CASP8: variants seen among roughly 807,000 people sequenced by gnomAD.
The protein encoded by CASP8 is caspase-8.
A neutral mutation model predicts 46.3 loss-of-function variants in CASP8; 24 were observed. The observed-to-expected ratio is 0.52, with a 90% confidence interval of 0.38 to 0.73. The LOEUF (loss-of-function observed/expected upper bound fraction) is 0.73, where lower values mean the gene tolerates loss of function less well. CASP8 is among the 30% of genes least tolerant of loss of function. The probability of loss-of-function intolerance (pLI) is 0.00; values close to 1 mark genes in which losing one functional copy is unlikely to be tolerated. For synonymous variants in CASP8, 188 were observed against 200.4 expected (o/e 0.94, Z 0.52); for missense variants, 460 against 559.0 (o/e 0.82, Z 1.79).
chr2:201,262,484 T>C (rs528471306), intron 1 of CASP8, among the ~76,000 whole-genome samples: 22 of 151,844 alleles, frequency 1.4e-4, no homozygotes, highest in African/African-American at 5.3e-4. Flanking sequence ...AGAGATTATA[T>C]AAAATATATG....
Position 201,266,576 on chromosome 2 carries a change from T to A in CASP8, c.90T>A (p.Ile30=), listed in dbSNP as rs1468329326. Residue 30 remains isoleucine, a synonymous_variant, in exon 2 of 9, where the codon ATT becomes ATA. Transcript: ENST00000673742. This position sits in a 1 kb window ranked among gnomAD's most constrained non-coding sequence, Gnocchi z 5.7. ...ASLKFLSLDY[I]PQRKQEPIKD... ...TCAAGTTCCTGAGCCTGGACTACAT[T>A]CCGCAAAGGAAGCAAGAACCCATCA... 1 of 1,614,058 alleles carries A rather than the reference T, an allele frequency of 6.2e-7. No individual in the cohort carries two copies. The highest frequency in any genetic ancestry group is 8.5e-7 in the Non-Finnish European group (1 of 1,180,026).
chr2:201,239,327 C>T (rs1369290565), intron 2 of CASP8, among the ~76,000 whole-genome samples: 1 of 152,110 alleles, frequency 6.6e-6, no homozygotes, highest in Non-Finnish European at 1.5e-5. Context: ...GGGCTCCTCA[C>T]CTCCCAGTAG....
intron 8 of CASP8, 106 bp downstream of exon 8, chr2:201,285,423 G>A: frequency 7.3e-7 from 1 of 1,364,768 alleles, no homozygotes; most frequent in Non-Finnish European, 1.0e-6. Context: ...AGTGCTATGT[G>A]ATTTAGATCA....
chr2:201,268,946 TGTGTGTGTGTGA>T (rs1432671841), intron 2 of CASP8, among the ~76,000 whole-genome samples: 13 of 145,156 alleles, frequency 9.0e-5, no homozygotes, highest in Middle Eastern at 3.4e-3. Context: ...TGTGTGTGTG[TGTGTGTGTGTGA>T]GACAGTGTCT....
chr2:201,260,620 A>G lies in CASP8; in HGVS notation c.-27+7A>G. The G allele has an allele frequency of 1.0e-6, 1 of 959,358 alleles. No individual in the cohort carries two copies. The highest frequency in any genetic ancestry group is 1.2e-6 in the Non-Finnish European group (1 of 806,248). 59.4% of individuals were successfully genotyped at this position (959,358 alleles called of 1,614,324 possible). On this transcript the variant is annotated splice_region_variant and intron_variant, in intron 1 of 8. Coordinates refer to ENST00000673742, the MANE Select transcript of CASP8 (RefSeq NM_001372051.1). ...CTACCATCGTGAGAGTAAGGTAAGG[A>G]TTTGCCTCTTTGTTAAGGTCAGAGG... is the stretch of plus-strand genomic sequence containing the variant.
At chr2:201,246,761 T>G (rs999810937) in intron 2 of CASP8, among the ~76,000 whole-genome samples, 1 of 152,210 alleles carries the variant, frequency 6.6e-6, no homozygotes, top group African/African-American at 2.4e-5. Context: ...GTCTGTTCTG[T>G]CTGCAAAAAT....
intron 2 of CASP8, among the ~76,000 whole-genome samples, chr2:201,270,695 A>G (rs1948183769): frequency 6.6e-6 from 1 of 152,016 alleles, no homozygotes; most frequent in East Asian, 1.9e-4. Context: ...ACACCCGGCT[A>G]ATTTTTAAAT....
At chr2:201,258,309 C>T (rs748514005), upstream of CASP8, 2 of 1,614,100 alleles carry the variant, frequency 1.2e-6, no homozygotes, top group Admixed American at 3.3e-5. Context: ...CCACCCCCTT[C>T]CCTGCTGAGC....
At chr2:201,283,214 C>G (rs1398819934) in intron 7 of CASP8, among the ~76,000 whole-genome samples, 1 of 73,240 alleles carries the variant, frequency 1.4e-5, no homozygotes, top group Middle Eastern at 0.012. Flanking sequence ...GCTGGCCAGG[C>G]GGGGGGCTGA....
At chr2:201,242,573 A>G (rs1436962851) in intron 2 of CASP8, 1 of 152,192 alleles carries the variant, frequency 6.6e-6, no homozygotes. Context: ...AGGTTTCAAC[A>G]TATGAATTTT....
chr2:201,269,040 G>A (rs1024235607), intron 2 of CASP8, among the ~76,000 whole-genome samples: 12 of 151,700 alleles, frequency 7.9e-5, no homozygotes, highest in African/African-American at 2.9e-4. Context: ...CTGGGTTCAA[G>A]CAATCCTCCC....
chr2:201,244,136 A>C (rs1160870648), intron 2 of CASP8, among the ~76,000 whole-genome samples: 1 of 152,230 alleles, frequency 6.6e-6, no homozygotes, highest in Non-Finnish European at 1.5e-5. Context: ...GTCTGCAGTT[A>C]CAATAAATAG....
At chr2:201,262,715 C>G (rs1220429884) in intron 1 of CASP8, among the ~76,000 whole-genome samples, 1 of 152,254 alleles carries the variant, frequency 6.6e-6, no homozygotes, top group East Asian at 1.9e-4. Context: ...TTAAAAAATA[C>G]TAGCTTAACA....
At chr2:201,247,910 C>T (rs1946609275) in intron 2 of CASP8, among the ~76,000 whole-genome samples, 1 of 152,176 alleles carries the variant, frequency 6.6e-6, no homozygotes, top group African/African-American at 2.4e-5. Flanking sequence ...TCCCAAAGTG[C>T]TGGGATTACA....
chr2:201,258,096 T>G, upstream of CASP8: 1 of 978,000 alleles, frequency 1.0e-6, no homozygotes, highest in Non-Finnish European at 1.6e-6. Flanking sequence ...GTGGTGAAGT[T>G]TTCTCTTTCT....
intron 1 of CASP8, among the ~76,000 whole-genome samples, chr2:201,261,391 CAAAAAAAA>C (rs11335061): frequency 1.1e-5 from 1 of 88,538 alleles, no homozygotes; most frequent in Non-Finnish European, 2.3e-5. Context: ...AACTCCGTCT[CAAAAAAAA>C]AAAAAAAAAA....
At chr2:201,236,760 C>T (rs75231647) in intron 2 of CASP8, among the ~76,000 whole-genome samples, 2,002 of 152,128 alleles carry the variant, frequency 0.013, 48 homozygotes, top group African/African-American at 0.044. Flanking sequence ...TGCGCACCAC[C>T]GCACCTAGTT....
chr2:201,268,114 G>A lies in CASP8; in HGVS notation c.305+1323G>A, dbSNP rs35458017. 2.1e-3 allele frequency among the ~76,000 whole-genome samples: 317 copies of A among 151,864 alleles called. 4 individuals carry two copies. The highest frequency in any genetic ancestry group is 7.0e-3 in the African/African-American group (289 of 41,404). On this transcript the variant is annotated intron_variant, in intron 2 of 8. Coordinates refer to ENST00000673742, the MANE Select transcript of CASP8 (RefSeq NM_001372051.1). ...GCTAATTTTGTATTTTTAGTAGGAC[G>A]GAGTTCCACCATGTTGGCCAGGCTG...
rs186422896 is a variant in CASP8 at position 201,249,650 on chromosome 2, G to A, written c.-27+15538G>A. 1.6e-4 allele frequency among the ~76,000 whole-genome samples: 24 copies of A among 152,266 alleles called. No homozygotes were observed. The South Asian group carries it at 4.6e-3, about 29-fold the overall frequency. Reference sequence around the variant, plus strand: ...TAAGGCGAGAGGATCGCTTGAGCGCGGGAGGCGGAGGTTGCAGTGAGTTGA... The same window carrying A: ...TAAGGCGAGAGGATCGCTTGAGCGCAGGAGGCGGAGGTTGCAGTGAGTTGA... On this transcript the variant is annotated intron_variant, in intron 2 of 6. Coordinates refer to the CASP8 transcript ENST00000264274.
Sources: gnomAD v4.1 joint callset for allele counts (sites outside exome capture counted in the v4.1 genomes callset) on GRCh38, gnomAD v4.1.1 for gene constraint, Gnocchi (gnomAD v3.1) non-coding constraint, MANE v1.5 for transcripts, NCBI Gene and HGNC (gene_info 2026-07-23, HGNC 2026-07-21) for gene names.